SORCS1: variants seen among roughly 807,000 people sequenced by gnomAD.
SORCS1 encodes sortilin related VPS10 domain containing receptor 1.
In SORCS1, 60 loss-of-function variants were observed where a neutral mutation model predicts 146.1. The observed-to-expected ratio is 0.41, with a 90% CI of 0.33 to 0.51. The LOEUF (loss-of-function observed/expected upper bound fraction) is 0.51. Among genes scored for constraint, SORCS1 ranks in the 20% least tolerant of loss-of-function variants. The pLI is 0.21. For synonymous variants in SORCS1, 637 were observed against 584.0 expected, an observed-to-expected ratio of 1.09 and a Z score of -1.31; for missense variants, 1,352 against 1,487.6, an observed-to-expected ratio of 0.91 and a Z score of 1.50.
intron 2 of SORCS1, among the ~76,000 whole-genome samples, chr10:106,849,433 C>T (rs1949450554): frequency 6.8e-6 from 1 of 146,370 alleles, no homozygotes; most frequent in Non-Finnish European, 1.5e-5. Flanking sequence ...GTTTTCAGCT[C>T]CATCAGCTCC....
At chr10:106,918,297 A>G (rs1406234799) in intron 2 of SORCS1, among the ~76,000 whole-genome samples, 2 of 152,014 alleles carry the variant, frequency 1.3e-5, no homozygotes, top group Middle Eastern at 3.2e-3. Context: ...AGTGGCTGGG[A>G]ATACAGGTGC....
intron 1 of SORCS1, among the ~76,000 whole-genome samples, chr10:106,992,826 C>CTTTTTTTT (rs36052970): frequency 7.4e-4 from 42 of 57,088 alleles, no homozygotes; most frequent in Admixed American, 1.1e-3. Flanking sequence ...TTCTTTCTTT[C>CTTTTTTTT]TTTTTTTTTT....
chr10:106,625,310 T>G (rs1848035692), intron 19 of SORCS1, among the ~76,000 whole-genome samples: 1 of 151,928 alleles, frequency 6.6e-6, no homozygotes, highest in Admixed American at 6.6e-5. Context: ...CACCTAAATA[T>G]TGTGCACATA....
chr10:106,982,706 C>G (rs576012641), intron 1 of SORCS1, among the ~76,000 whole-genome samples: 1 of 152,160 alleles, frequency 6.6e-6, no homozygotes, highest in Non-Finnish European at 1.5e-5. Context: ...GTAAAAGATA[C>G]AGCCAGGATG....
chr10:106,753,763 T>C (rs1466196482), intron 5 of SORCS1, among the ~76,000 whole-genome samples: 1 of 151,738 alleles, frequency 6.6e-6, no homozygotes, highest in Non-Finnish European at 1.5e-5. Flanking sequence ...TGTAGGAGTT[T>C]TACGTAAGAA....
chr10:106,995,724 A>G (rs1956962040), intron 1 of SORCS1, among the ~76,000 whole-genome samples: 2 of 152,198 alleles, frequency 1.3e-5, no homozygotes, highest in African/African-American at 2.4e-5. Context: ...ACAGTAAGCA[A>G]TTGCAGCAGC....
intron 18 of SORCS1, among the ~76,000 whole-genome samples, chr10:106,651,113 T>C (rs1849826467): frequency 6.6e-6 from 1 of 152,156 alleles, no homozygotes; most frequent in Admixed American, 6.5e-5. Context: ...ATCAAGGAGA[T>C]AATCAGGAAA....
chr10:107,074,280 T>C (rs1590074267), intron 1 of SORCS1, among the ~76,000 whole-genome samples: 1 of 152,180 alleles, frequency 6.6e-6, no homozygotes, highest in Non-Finnish European at 1.5e-5. Flanking sequence ...TCATACATAT[T>C]TGGAATCACG....
chr10:106,788,271 C>G (rs568363106), intron 3 of SORCS1, among the ~76,000 whole-genome samples: 6 of 152,134 alleles, frequency 3.9e-5, no homozygotes, highest in Admixed American at 3.9e-4. Flanking sequence ...TAAAGCCTAA[C>G]CATATCATTC....
chr10:107,052,411 T>A (rs1960206401), intron 1 of SORCS1, among the ~76,000 whole-genome samples: 1 of 152,128 alleles, frequency 6.6e-6, no homozygotes, highest in Non-Finnish European at 1.5e-5. Context: ...ATCAACCTAT[T>A]GGGATTCTTT....
chr10:107,062,719 A>G (rs1172187073), intron 1 of SORCS1, among the ~76,000 whole-genome samples: 1 of 152,172 alleles, frequency 6.6e-6, no homozygotes, highest in Non-Finnish European at 1.5e-5. Flanking sequence ...GGTTTATGAC[A>G]TGCCTCTATT....
chr10:106,823,011 G>A (rs1023965240), intron 3 of SORCS1, among the ~76,000 whole-genome samples: 39 of 151,946 alleles, frequency 2.6e-4, no homozygotes, highest in African/African-American at 8.0e-4. Context: ...TCAAACTCCC[G>A]ACCTCAGGTG....
At chr10:106,587,425 G>A (rs927210068) in intron 24 of SORCS1, among the ~76,000 whole-genome samples, 12 of 152,250 alleles carry the variant, frequency 7.9e-5, no homozygotes, top group Non-Finnish European at 5.9e-5. Flanking sequence ...TGTTGTGGCT[G>A]AGATTATATT....
chr10:106,787,171 T>C lies in SORCS1; in HGVS notation c.727-10479A>G, dbSNP rs1946095838. On this transcript the variant is annotated intron_variant, in intron 3 of 25. Coordinates refer to ENST00000263054, the MANE Select transcript of SORCS1 (RefSeq NM_052918.5). ...TCATTTAATTAAGGATCTGATATCATGAAATATGGGTTTCTTAAGAGCAAA... is the reference window on the plus strand; with the variant it reads ...TCATTTAATTAAGGATCTGATATCACGAAATATGGGTTTCTTAAGAGCAAA... Among the ~76,000 whole-genome samples, 2 of 152,224 alleles carry C rather than the reference T, an allele frequency of 1.3e-5. 1 individual carries two copies. The highest frequency in any genetic ancestry group is 4.1e-4 in the South Asian group (2 of 4,830).
chr10:106,991,357 G>A (rs929536834), intron 1 of SORCS1, among the ~76,000 whole-genome samples: 2 of 152,166 alleles, frequency 1.3e-5, no homozygotes, highest in Non-Finnish European at 2.9e-5. Flanking sequence ...CCACATCCTG[G>A]CCTTTCTATT....
At chr10:107,036,609 T>C (rs1411195298) in intron 1 of SORCS1, among the ~76,000 whole-genome samples, 1 of 152,204 alleles carries the variant, frequency 6.6e-6, no homozygotes, top group African/African-American at 2.4e-5. Context: ...AAAGAGTCAT[T>C]GCATCTCCCT....
At chr10:107,172,256 A>G in the SORCS1 span, among the ~76,000 whole-genome samples, 1 of 152,126 alleles carries the variant, frequency 6.6e-6, no homozygotes, top group Non-Finnish European at 1.5e-5. Flanking sequence ...GATATCTGCT[A>G]CCATAGTTTA....
intron 1 of SORCS1, among the ~76,000 whole-genome samples, chr10:107,032,768 T>C (rs1958720979): frequency 6.6e-6 from 1 of 152,168 alleles, no homozygotes; most frequent in East Asian, 1.9e-4. Context: ...AGGCAATCAT[T>C]CAGGGCTGAA....
Position 106,978,746 on chromosome 10 carries a change from T to C in SORCS1, c.559-22166A>G, listed in dbSNP as rs535714520. On this transcript the variant is annotated intron_variant, in intron 1 of 25. Transcript: ENST00000263054. Reference sequence around the variant, plus strand: ...CCAGGAGGCGGAGGTAGCAGTGAGCTGAGATAGTGCCACTGCACTCCAGCC... The same window carrying C: ...CCAGGAGGCGGAGGTAGCAGTGAGCCGAGATAGTGCCACTGCACTCCAGCC... Among the ~76,000 whole-genome samples, 11 of 149,960 alleles carry C rather than the reference T, an allele frequency of 7.3e-5. No individual in the cohort carries two copies. In the South Asian group the frequency reaches 2.3e-3, roughly 32 times the overall value.
Sources: allele counts gnomAD v4.1 joint callset (sites outside exome capture counted in the v4.1 genomes callset), GRCh38; gene constraint gnomAD v4.1.1; transcripts MANE v1.5; gene names NCBI Gene and HGNC (gene_info 2026-07-23, HGNC 2026-07-21).